The following MUC17 variants were observed in gnomAD, a reference collection of about 807,000 sequenced individuals.
The protein encoded by MUC17 is mucin 17, cell surface associated.
Under a neutral mutation model 170.3 loss-of-function variants are expected in MUC17, and 190 were observed. The ratio of observed to expected loss-of-function variants is 1.12; its 90% CI spans 0.99 to 1.26. The LOEUF is 1.26. Ranked by LOEUF, MUC17 falls within the 50% of genes most tolerant of loss-of-function variation. The pLI, the probability that MUC17 is intolerant of heterozygous loss-of-function variation, is 0.00. For synonymous variants in MUC17, 2,325 were observed against 2,002.5 expected (o/e 1.16, Z -4.30); for missense variants, 6,415 against 5,530.0 (o/e 1.16, Z -5.08).
chr7:101,052,387 T>C (rs919677839), intron 9 of MUC17, among the ~76,000 whole-genome samples: 8 of 152,066 alleles, frequency 5.3e-5, no homozygotes, highest in East Asian at 3.9e-4. Context: ...AAGAAAAACA[T>C]TGTCACTTTA....
At position 101,038,284 on chromosome 7, in the gene MUC17, C is replaced by G; in HGVS notation, c.6868C>G (p.Leu2290Val). 1 of 1,613,612 alleles carries G rather than the reference C, an allele frequency of 6.2e-7. No individual in the cohort carries two copies. Among genetic ancestry groups the G allele is most frequent in the Non-Finnish European group, 8.5e-7 (1 of 1,179,758 alleles). Residue 2290 changes from leucine to valine, a missense_variant, in exon 3 of 13, where the codon CTG (leucine) becomes GTG (valine). Physicochemically the swap from Leu to Val is conservative, Grantham distance 32. Transcript: ENST00000306151. ...PLTSIPVSHT[L>V]VANSEVSTLS... ...AACAAGTATACCTGTCAGCCACACG[C>G]TGGTGGCCAATTCTGAGGTTAGCAC...
chr7:101,039,795 A>G lies in MUC17; in HGVS notation c.8379A>G (p.Thr2793=), dbSNP rs1794626760. The change falls in exon 3 of 13, where the codon ACA becomes ACG. Residue 2793 remains threonine, a synonymous_variant. Transcript: ENST00000306151. The part of the protein sequence containing the change: ...TTSTEASSSP[T]TAEVTSMPTS... ...CTACTGAAGCCAGTTCCTCTCCTACAACTGCTGAAGTTACCAGCATGCCAA... is the reference window on the plus strand; with the variant it reads ...CTACTGAAGCCAGTTCCTCTCCTACGACTGCTGAAGTTACCAGCATGCCAA... 1 of 1,608,904 alleles carries G rather than the reference A, an allele frequency of 6.2e-7. No individual in the cohort carries two copies. Among genetic ancestry groups the G allele is most frequent in the African/African-American group, 1.3e-5 (1 of 74,398 alleles).
At chr7:101,054,833 C>CA (rs201984213) in intron 11 of MUC17, among the ~76,000 whole-genome samples, 34 of 151,366 alleles carry the variant, frequency 2.2e-4, no homozygotes, top group African/African-American at 7.3e-4. Context: ...ACAAAACAAA[C>CA]AAAAAAAATG....
Position 101,037,778 on chromosome 7 carries a change from C to T in MUC17, c.6362C>T (p.Thr2121Ile). Residue 2121 changes from threonine (T) to isoleucine (I), a missense_variant, in exon 3 of 13, where the codon ACC (threonine) becomes ATC (isoleucine). Physicochemically the swap from Thr to Ile is moderately conservative, Grantham distance 89. Transcript: ENST00000306151. The part of the protein sequence containing the change: ...TTPVASPEAS[T>I]LSTTPVDSNS... ...CCGGTGGCCAGTCCTGAGGCTAGCA[C>T]CCTTTCAACAACTCCTGTTGACTCC... 1.2e-6 allele frequency: 2 copies of T among 1,613,184 alleles called. No individual in the cohort carries two copies. The highest frequency in any genetic ancestry group is 1.7e-6 in the Non-Finnish European group (2 of 1,179,388).
At position 101,038,206 on chromosome 7, in the gene MUC17, G is replaced by A. The variant is rs755755328; in HGVS notation, c.6790G>A (p.Ala2264Thr). ...TGAAGCCACTTCATCTCCTACAACT[G>A]CTGAAGGTACCAGCATACCAACTTC... The part of the protein sequence containing the change: ...STEATSSPTT[A>T]EGTSIPTSTL... Residue 2264 changes from alanine (A) to threonine (T), a missense_variant, in exon 3 of 13, where the codon GCT becomes ACT. Coordinates refer to ENST00000306151, the MANE Select transcript of MUC17 (RefSeq NM_001040105.2). 1.9e-6 allele frequency: 3 copies of A among 1,613,398 alleles called. No homozygotes were observed. Among genetic ancestry groups the A allele is most frequent in the Non-Finnish European group, 2.5e-6 (3 of 1,179,882 alleles).
At position 101,034,683 on chromosome 7, in the gene MUC17, C is replaced by G; in HGVS notation, c.3267C>G (p.Thr1089=). The part of the protein sequence containing the change: ...ASSSSTTADG[T]SMPTSTYSEG... ...CATCTTCTACAACTGCTGACGGTAC[C>G]AGCATGCCAACCTCAACTTATAGTG... is the stretch of plus-strand genomic sequence containing the variant. Residue 1089 remains threonine, a synonymous_variant, in exon 3 of 13, where the codon ACC becomes ACG. Coordinates refer to ENST00000306151, the MANE Select transcript of MUC17 (RefSeq NM_001040105.2). The G allele has an allele frequency of 6.8e-6, 11 of 1,607,216 alleles. No homozygotes were observed. The highest frequency in any genetic ancestry group is 9.4e-6 in the Non-Finnish European group (11 of 1,176,008).
At chr7:101,047,725 G>A (rs1794866290) in intron 3 of MUC17, among the ~76,000 whole-genome samples, 1 of 152,158 alleles carries the variant, frequency 6.6e-6, no homozygotes, top group South Asian at 2.1e-4. Context: ...CAGCTACTCA[G>A]GAGGCTGAGG....
chr7:101,026,904 C>T (rs1201299229), intron 1 of MUC17, among the ~76,000 whole-genome samples: 3 of 152,050 alleles, frequency 2.0e-5, no homozygotes, highest in Admixed American at 1.3e-4. Context: ...TTAGTACAGA[C>T]GAGGTCTTGC....
At chr7:101,054,178 C>A (rs867675206) in intron 11 of MUC17, among the ~76,000 whole-genome samples, 3 of 150,124 alleles carry the variant, frequency 2.0e-5, no homozygotes, top group African/African-American at 7.3e-5. Flanking sequence ...TTTGGCTCCA[C>A]AGCTAAAACC....
At position 101,035,988 on chromosome 7, in the gene MUC17, A is replaced by C. The variant is rs1794464321; in HGVS notation, c.4572A>C (p.Thr1524=). Residue 1524 remains threonine, a synonymous_variant, in exon 3 of 13, where the codon ACA becomes ACC. Transcript: ENST00000306151. The part of the protein sequence containing the change: ...TALTSIPVST[T]TVASSEINSL... Reference sequence around the variant, plus strand: ...TAACAAGTATACCTGTCAGCACCACAACAGTGGCCAGTTCTGAAATCAACA... The same window carrying C: ...TAACAAGTATACCTGTCAGCACCACCACAGTGGCCAGTTCTGAAATCAACA... 1.9e-6 allele frequency: 3 copies of C among 1,611,492 alleles called. No individual in the cohort carries two copies. The highest frequency in any genetic ancestry group is 2.5e-6 in the Non-Finnish European group (3 of 1,178,508).
Position 101,043,103 on chromosome 7 carries a change from C to T in MUC17, c.11687C>T (p.Ser3896Leu), listed in dbSNP as rs769335652. The T allele has an allele frequency of 1.1e-5, 18 of 1,614,062 alleles. No individual in the cohort carries two copies. Among genetic ancestry groups the T allele is most frequent in the East Asian group, 6.7e-5 (3 of 44,896 alleles). Residue 3896 changes from serine (S) to leucine (L), a missense_variant, in exon 3 of 13, where the codon TCG becomes TTG. Transcript: ENST00000306151. ...PTSFPGASIA[S>L]TPPLDTSTTF... Reference sequence around the variant, plus strand: ...AGCTTTCCTGGGGCCAGCATAGCTTCGACACCTCCTCTTGACACAAGCACA... The same window carrying T: ...AGCTTTCCTGGGGCCAGCATAGCTTTGACACCTCCTCTTGACACAAGCACA...
rs550854158 is a variant in MUC17, at chr7:101,041,355, C to T, written c.9939C>T (p.Thr3313=). 40 of 1,613,360 alleles carry T rather than the reference C, an allele frequency of 2.5e-5. No homozygotes were observed. Among genetic ancestry groups the T allele is most frequent in the Non-Finnish European group, 2.8e-5 (33 of 1,179,620 alleles). Residue 3313 remains threonine, a synonymous_variant, in exon 3 of 13, where the codon ACC becomes ACT. Coordinates refer to ENST00000306151, the MANE Select transcript of MUC17 (RefSeq NM_001040105.2). ...CTGCTGACACCAGCACACCTGTGACCACTTATTCTCAAGCCAGTTCATCTC... is the reference window on the plus strand; with the variant it reads ...CTGCTGACACCAGCACACCTGTGACTACTTATTCTCAAGCCAGTTCATCTC... ...TTPADTSTPV[T]TYSQASSSPP... is the part of the protein sequence containing the mutation.
At chr7:101,047,606 G>A (rs1794864105) in intron 3 of MUC17, among the ~76,000 whole-genome samples, 1 of 152,160 alleles carries the variant, frequency 6.6e-6, no homozygotes, top group African/African-American at 2.4e-5. Context: ...GAGGTGGGCA[G>A]ATCACCTGAG....
chr7:101,021,388 A>G (rs1051852264), intron 1 of MUC17, among the ~76,000 whole-genome samples: 2 of 151,910 alleles, frequency 1.3e-5, no homozygotes, highest in African/African-American at 4.8e-5. Flanking sequence ...GGGTTTCACC[A>G]TGTTAACCGG....
Position 101,041,440 on chromosome 7 carries a change from C to A in MUC17, c.10024C>A (p.Leu3342Ile), listed in dbSNP as rs746796930. 2 of 1,612,990 alleles carry A rather than the reference C, an allele frequency of 1.2e-6. No homozygotes were observed. The highest frequency in any genetic ancestry group is 1.7e-6 in the Non-Finnish European group (2 of 1,179,688). The change falls in exon 3 of 13, where the codon CTA (leucine) becomes ATA (isoleucine). Residue 3342 changes from leucine to isoleucine, a missense_variant. Coordinates refer to ENST00000306151, the MANE Select transcript of MUC17 (RefSeq NM_001040105.2). ...TSTYSEGSTP[L>I]TNMSFSTTPV... ...AACTTATAGTGAAGGAAGCACTCCACTAACAAATATGTCTTTCAGCACCAC... is the reference window on the plus strand; with the variant it reads ...AACTTATAGTGAAGGAAGCACTCCAATAACAAATATGTCTTTCAGCACCAC...
rs1322047446 is a variant in MUC17 at position 101,039,658 on chromosome 7, G to C, written c.8242G>C (p.Asp2748His). ...GTSMRISTPS[D>H]GSTPLTSILV... ...CAGCATGCGAATCTCAACTCCTAGT[G>C]ATGGAAGTACTCCATTAACAAGTAT... Residue 2748 changes from aspartate (D) to histidine (H), a missense_variant, in exon 3 of 13, where the codon GAT becomes CAT. Physicochemically the swap from Asp to His is moderately conservative, Grantham distance 81 (BLOSUM62 -1). Coordinates refer to ENST00000306151, the MANE Select transcript of MUC17 (RefSeq NM_001040105.2). The C allele has an allele frequency of 2.5e-6, 4 of 1,612,350 alleles. No individual in the cohort carries two copies. The East Asian group carries it at 6.7e-5, about 27-fold the overall frequency.
intron 7 of MUC17, 135 bp downstream of exon 7, chr7:101,050,770 TG>T: frequency 7.6e-7 from 1 of 1,319,842 alleles, no homozygotes; most frequent in South Asian, 1.5e-5. Flanking sequence ...CTAGAGTCCC[TG>T]GGGTTGCAGC....
chr7:101,035,759 C>T lies in MUC17; in HGVS notation c.4343C>T (p.Ser1448Leu). 6.2e-7 allele frequency: 1 copy of T among 1,611,132 alleles called. No homozygotes were observed. Residue 1448 changes from serine (S) to leucine (L), a missense_variant, in exon 3 of 13, where the codon TCA (serine) becomes TTA (leucine). Physicochemically the swap from Ser to Leu is moderately radical, Grantham distance 145. Transcript: ENST00000306151. ...GCTGAAGGTATCAGCATACCAACCT[C>T]AACTCCTAGTGAAGGAAAGACTCCA... ...TTAEGISIPT[S>L]TPSEGKTPLK...
In MUC17 at chr7:101,037,741, C is replaced by A. The variant is rs538046302; in HGVS notation, c.6325C>A (p.Leu2109Ile). 1.2e-6 allele frequency: 2 copies of A among 1,607,506 alleles called. No individual in the cohort carries two copies. Among genetic ancestry groups the A allele is most frequent in the Non-Finnish European group, 1.7e-6 (2 of 1,175,510 alleles). ...EGSPLLTSIP[L>I]STTPVASPEA... ...AAGTCCTCTACTAACAAGTATACCT[C>A]TCAGCACCACGCCGGTGGCCAGTCC... Residue 2109 changes from leucine to isoleucine, a missense_variant, in exon 3 of 13, where the codon CTC becomes ATC. Leu to Ile is a conservative substitution (Grantham distance 5). Transcript: ENST00000306151.
Sources: allele counts gnomAD v4.1 joint callset (sites outside exome capture counted in the v4.1 genomes callset), GRCh38; gene constraint gnomAD v4.1.1; transcripts MANE v1.5; gene names NCBI Gene and HGNC (gene_info 2026-07-23, HGNC 2026-07-21).